The following WNT9B variants were observed in gnomAD, a reference collection of about 807,000 sequenced individuals.
The protein encoded by WNT9B is protein Wnt-9b.
WNT9B carries 12 observed loss-of-function variants against 30.2 expected under a neutral mutation model. The observed-to-expected ratio is 0.40, with a 90% CI of 0.26 to 0.64. The LOEUF (loss-of-function observed/expected upper bound fraction) is 0.64. WNT9B is among the 30% of genes least tolerant of loss of function. WNT9B has a pLI of 0.42. For missense variants in WNT9B, 442 were observed against 485.2 expected (o/e 0.91, Z 0.84); for synonymous variants, 218 against 216.9 (o/e 1.01, Z -0.05).
intron 1 of WNT9B, among the ~76,000 whole-genome samples, chr17:46,841,704 G>C (rs1172401179): frequency 6.6e-6 from 1 of 152,204 alleles, no homozygotes; most frequent in Non-Finnish European, 1.5e-5. Flanking sequence ...GGACCCTCTG[G>C]ACTGGGGAGT....
In WNT9B at chr17:46,877,720, A is replaced by T. The variant is rs1025306007; in HGVS notation, c.*1002A>T. 2.0e-5 allele frequency among the ~76,000 whole-genome samples: 3 copies of T among 152,136 alleles called. No individual in the cohort carries two copies. The highest frequency in any genetic ancestry group is 4.8e-5 in the African/African-American group (2 of 41,430). ...GGCCTGCCTGGTCTGTGACACCCCCATACCAGCTGAGTTCACAATACTGAA... is the reference window on the plus strand; with the variant it reads ...GGCCTGCCTGGTCTGTGACACCCCCTTACCAGCTGAGTTCACAATACTGAA... On this transcript the variant is annotated 3_prime_UTR_variant, in exon 4 of 4. Coordinates refer to ENST00000290015, the MANE Select transcript of WNT9B (RefSeq NM_003396.3).
downstream of WNT9B, chr17:46,885,234 G>A (rs1157105982): frequency 4.7e-5 from 14 of 300,648 alleles, 1 homozygote; most frequent in South Asian, 2.6e-4. Flanking sequence ...TCGAACTCCC[G>A]ACCTCAGGTG....
chr17:46,882,255 C>G (rs897270039), downstream of WNT9B, among the ~76,000 whole-genome samples: 36 of 152,200 alleles, frequency 2.4e-4, no homozygotes, highest in African/African-American at 8.2e-4. Flanking sequence ...TCTCCAGCTC[C>G]CTGTAATCTA....
intron 1 of WNT9B, among the ~76,000 whole-genome samples, chr17:46,836,095 C>CGTGT (rs59862934): frequency 0.045 from 5,695 of 126,430 alleles, 167 homozygotes; most frequent in Non-Finnish European, 0.045. Flanking sequence ...GAGACGCTGA[C>CGTGT]GTGTGTGTGT....
chr17:46,852,923 G>A (rs531756195), intron 1 of WNT9B, among the ~76,000 whole-genome samples: 2 of 152,220 alleles, frequency 1.3e-5, no homozygotes, highest in South Asian at 4.2e-4. Flanking sequence ...AACATGTCTG[G>A]GCTGTGGAGG....
chr17:46,869,084 C>T (rs1029140615), intron 1 of WNT9B, among the ~76,000 whole-genome samples: 3 of 152,296 alleles, frequency 2.0e-5, no homozygotes, highest in Middle Eastern at 3.4e-3. Context: ...GTGGGGTTCC[C>T]GAGGCAGTGC....
At chr17:46,868,157 TCAGGCAGTAGCCCCCAGCC>T (rs1002476926) in intron 1 of WNT9B, among the ~76,000 whole-genome samples, 1 of 152,060 alleles carries the variant, frequency 6.6e-6, no homozygotes, top group Non-Finnish European at 1.5e-5. Flanking sequence ...AGCACCTGAG[TCAGGCAGTAGCCCCCAGCC>T]CAGAAGAGCA....
At chr17:46,863,374 G>A (rs145254996) in intron 1 of WNT9B, among the ~76,000 whole-genome samples, 3 of 152,350 alleles carry the variant, frequency 2.0e-5, no homozygotes, top group Admixed American at 6.5e-5. Context: ...GGAGGAGCAC[G>A]CATCTGGACT....
At chr17:46,836,722 G>A (rs538343610) in intron 1 of WNT9B, among the ~76,000 whole-genome samples, 1 of 152,308 alleles carries the variant, frequency 6.6e-6, no homozygotes, top group East Asian at 1.9e-4. Context: ...GGCTGGAGGT[G>A]AGCAGGGTTG....
chr17:46,845,925 G>A (rs2084771619), intron 1 of WNT9B, among the ~76,000 whole-genome samples: 1 of 151,622 alleles, frequency 6.6e-6, no homozygotes, highest in African/African-American at 2.4e-5. Context: ...TGAGTAGCTG[G>A]GATTACAGGC....
intron 1 of WNT9B, 120 bp from the exon 2 acceptor site, chr17:46,872,397 C>A (rs12602170): frequency 0.032 from 43,532 of 1,348,408 alleles, 907 homozygotes; most frequent in African/African-American, 0.1. Flanking sequence ...GGACCTCCAG[C>A]GGGTCAGCCT....
At position 46,839,860 on chromosome 17, in the gene WNT9B, C is replaced by T. The variant is rs534158741; in HGVS notation, c.95+6420C>T. On this transcript the variant is annotated intron_variant, in intron 1 of 2. Coordinates refer to the WNT9B transcript ENST00000575372. ...GTCCCTGCAAAGGACATGAACTCATCCTTTTTCATGGCTGCATAGTAGTCC... is the reference window on the plus strand; with the variant it reads ...GTCCCTGCAAAGGACATGAACTCATTCTTTTTCATGGCTGCATAGTAGTCC... Among the ~76,000 whole-genome samples, 3 of 152,182 alleles carry T rather than the reference C, an allele frequency of 2.0e-5. No homozygotes were observed. In the East Asian group the frequency reaches 5.8e-4, roughly 29 times the overall value.
At chr17:46,871,381 G>C (rs2085241204) in intron 1 of WNT9B, among the ~76,000 whole-genome samples, 2 of 152,196 alleles carry the variant, frequency 1.3e-5, no homozygotes, top group African/African-American at 4.8e-5. Context: ...TGGGAAGAGG[G>C]AAGACGAACT....
intron 1 of WNT9B, among the ~76,000 whole-genome samples, chr17:46,871,512 A>G (rs2085243845): frequency 6.6e-6 from 1 of 152,112 alleles, no homozygotes; most frequent in Admixed American, 6.5e-5. Flanking sequence ...TGGAGAGTAA[A>G]GCATCTTGCA....
intron 1 of WNT9B, among the ~76,000 whole-genome samples, chr17:46,839,100 A>C (rs1250347604): frequency 2.6e-5 from 4 of 151,788 alleles, no homozygotes; most frequent in Admixed American, 6.6e-5. Context: ...CTGGTCTCGA[A>C]CTCCTGACCT....
In WNT9B at chr17:46,835,360, C is replaced by A. The variant is rs188462304; in HGVS notation, c.95+1920C>A. ...CCGAGTAGCTGGGACTACAGGCACC[C>A]GCCACCACGCCCAGCTAATTTTTAA... On this transcript the variant is annotated intron_variant, in intron 1 of 2. Coordinates refer to the WNT9B transcript ENST00000575372. Among the ~76,000 whole-genome samples, 44 of 152,178 alleles carry A rather than the reference C, an allele frequency of 2.9e-4. 1 individual carries two copies. Among genetic ancestry groups the A allele is most frequent in the Admixed American group, 2.6e-3 (40 of 15,280 alleles).
At chr17:46,838,173 T>G (rs1460059056) in intron 1 of WNT9B, among the ~76,000 whole-genome samples, 1 of 152,132 alleles carries the variant, frequency 6.6e-6, no homozygotes, top group Non-Finnish European at 1.5e-5. Context: ...CTGTTTTCTC[T>G]CTGAGACATC....
intron 1 of WNT9B, among the ~76,000 whole-genome samples, chr17:46,837,281 T>C (rs1182719922): frequency 1.3e-5 from 2 of 152,166 alleles, no homozygotes; most frequent in Non-Finnish European, 2.9e-5. Context: ...TTTTGCCCCC[T>C]TCATCCCTTT....
rs2085345033 is a variant in WNT9B at position 46,876,330 on chromosome 17, C to G, written c.686C>G (p.Ser229Cys). ...GTGCGCACCTGCTGGAAGCAGCTCT[C>G]CCCGTTCCGTGAGACGGGCCAGGTG... The part of the protein sequence containing the change: ...CAVRTCWKQL[S>C]PFRETGQVLK... The change falls in exon 4 of 4, where the codon TCC becomes TGC. Residue 229 changes from serine (S) to cysteine (C), a missense_variant. Physicochemically the swap from Ser to Cys is moderately radical, Grantham distance 112 (BLOSUM62 -1). Transcript: ENST00000290015. 2 of 1,614,056 alleles carry G rather than the reference C, an allele frequency of 1.2e-6. No homozygotes were observed. The highest frequency in any genetic ancestry group is 1.7e-6 in the Non-Finnish European group (2 of 1,180,046).
Sources: gnomAD v4.1 joint callset for allele counts (sites outside exome capture counted in the v4.1 genomes callset) on GRCh38, gnomAD v4.1.1 for gene constraint, MANE v1.5 for transcripts, NCBI Gene and HGNC (gene_info 2026-07-23, HGNC 2026-07-21) for gene names.